Variants in SFI1 observed in about 807,000 individuals in gnomAD.
SFI1 encodes SFI1 centrin binding protein.
In SFI1, 195 loss-of-function variants were observed where a neutral mutation model predicts 207.5. That is an observed-to-expected ratio of 0.94 (90% CI 0.84 to 1.06). The LOEUF (loss-of-function observed/expected upper bound fraction) is 1.06. SFI1 is among the 50% of genes least tolerant of loss of function. The pLI is 0.00. For synonymous variants in SFI1, 630 were observed against 598.9 expected (o/e 1.05, Z -0.76); for missense variants, 1,634 against 1,588.0 (o/e 1.03, Z -0.49).
chr22:31,501,175 C>CTT (rs773631022), intron 1 of SFI1, among the ~76,000 whole-genome samples: 11 of 139,072 alleles, frequency 7.9e-5, no homozygotes, highest in South Asian at 2.3e-4. Context: ...GTAGACATAA[C>CTT]TTTTTTTTTT....
chr22:31,617,830 C>T (rs7288051), intron 31 of SFI1, among the ~76,000 whole-genome samples: 6,724 of 152,170 alleles, frequency 0.044, 130 homozygotes, highest in Non-Finnish European at 0.05. Context: ...AACAGACTGG[C>T]GCCTCATCCT....
chr22:31,535,396 A>T (rs1303598985), intron 4 of SFI1, among the ~76,000 whole-genome samples: 2 of 150,494 alleles, frequency 1.3e-5, no homozygotes, highest in African/African-American at 2.4e-5. Context: ...CACCATGTTG[A>T]TCAGGCTGGT....
intron 7 of SFI1, among the ~76,000 whole-genome samples, chr22:31,557,855 C>T (rs1018281561): frequency 6.6e-6 from 1 of 152,178 alleles, no homozygotes; most frequent in Non-Finnish European, 1.5e-5. Context: ...ACTGGAAGAA[C>T]ATGAATTAGT....
intron 12 of SFI1, among the ~76,000 whole-genome samples, chr22:31,582,211 T>TA (rs2064312502): frequency 4.0e-5 from 1 of 24,826 alleles, no homozygotes; most frequent in Non-Finnish European, 9.0e-5. Context: ...ACATTTTATA[T>TA]ATATATATAT....
At chr22:31,512,929 G>T (rs747951334) in intron 2 of SFI1, among the ~76,000 whole-genome samples, 1 of 151,748 alleles carries the variant, frequency 6.6e-6, no homozygotes, top group Non-Finnish European at 1.5e-5. Flanking sequence ...CTTGTGATCC[G>T]CCTGCCTTGG....
chr22:31,508,070 C>T (rs776187860), intron 1 of SFI1, among the ~76,000 whole-genome samples, 185 bp from the exon 2 acceptor site: 4 of 151,370 alleles, frequency 2.6e-5, no homozygotes, highest in Middle Eastern at 3.2e-3. Flanking sequence ...AGCAAGACTT[C>T]GTCTCAAAAA....
At chr22:31,604,190 AT>A in intron 18 of SFI1, 118 bp from the exon 19 acceptor site, 1 of 756,424 alleles carries the variant, frequency 1.3e-6, no homozygotes, top group South Asian at 1.6e-5. Context: ...GTATTTATAG[AT>A]GAGGCCAGAG....
chr22:31,601,760 T>C (rs1279060776), intron 15 of SFI1, among the ~76,000 whole-genome samples: 2 of 152,162 alleles, frequency 1.3e-5, no homozygotes, highest in Non-Finnish European at 2.9e-5. Context: ...CCTTTCTCTT[T>C]GTGTTGCTTT....
intron 1 of SFI1, among the ~76,000 whole-genome samples, chr22:31,499,984 T>TA (rs77752661): frequency 0.47 from 54,982 of 117,532 alleles, 13,069 homozygotes; most frequent in Middle Eastern, 0.57. Context: ...GACTCCATCT[T>TA]AAAAAAAAAA....
chr22:31,500,061 T>G (rs1268944632), intron 1 of SFI1, among the ~76,000 whole-genome samples: 2 of 145,550 alleles, frequency 1.4e-5, no homozygotes, highest in Non-Finnish European at 3.0e-5. Flanking sequence ...GGCTCATGCC[T>G]GTAATCCTAG....
chr22:31,607,325 G>A (rs553613230), intron 21 of SFI1, among the ~76,000 whole-genome samples: 3 of 152,192 alleles, frequency 2.0e-5, no homozygotes, highest in South Asian at 2.1e-4. Context: ...AATAGAGGCC[G>A]GGCGCAGTGG....
rs752700012 is a variant in SFI1, at chr22:31,611,197, A to C, written c.2309A>C (p.Gln770Pro). The change falls in exon 23 of 33, where the codon CAG becomes CCG. Residue 770 changes from glutamine to proline, a missense_variant. By Grantham distance (76) the Gln-to-Pro change is moderately conservative (BLOSUM62 -1). Transcript: ENST00000400288. ...TGGGACTGCAGCCGGAGGTCAGCCCAGCAGAGACTGCAGCTGGAGAGGGCA... is the reference window on the plus strand; with the variant it reads ...TGGGACTGCAGCCGGAGGTCAGCCCCGCAGAGACTGCAGCTGGAGAGGGCA... Reference protein sequence around the residue: ...RWWDCSRRSAQQRLQLERAVQ... With the variant: ...RWWDCSRRSAPQRLQLERAVQ... 1.9e-6 allele frequency: 3 copies of C among 1,614,122 alleles called. No individual in the cohort carries two copies. The Admixed American group carries it at 5.0e-5, about 27-fold the overall frequency.
intron 5 of SFI1, among the ~76,000 whole-genome samples, chr22:31,547,413 C>T (rs1050877793): frequency 2.0e-5 from 3 of 152,090 alleles, no homozygotes; most frequent in African/African-American, 4.8e-5. Context: ...TAGGTTCAAG[C>T]GATTCTACTG....
At chr22:31,541,304 G>T (rs371038797) in intron 4 of SFI1, among the ~76,000 whole-genome samples, 2 of 152,080 alleles carry the variant, frequency 1.3e-5, no homozygotes, top group East Asian at 3.9e-4. Context: ...ATTTGTTGAC[G>T]GCTCTTGTCT....
rs1569227870 is a variant in SFI1, at chr22:31,530,203, A to AAAAAAAAAAAAT, written c.267-855_267-854insAAAAAAAAAAAT. 3.9e-5 allele frequency among the ~76,000 whole-genome samples: 5 copies of AAAAAAAAAAAAT among 127,810 alleles called. 1 individual carries two copies. The highest frequency in any genetic ancestry group is 2.7e-4 in the Admixed American group (3 of 11,230). 83.8% of individuals were successfully genotyped at this position (127,810 alleles called of 152,430 possible). A position where few individuals can be genotyped will look rare whatever the true frequency, so the allele number is the denominator to read the frequency against. ...AAAAAAAAAAAAAAAAAAAAAAAAA[A>AAAAAAAAAAAAT]GACAAGGCCGGGCGCGGTGGCTCAC... On this transcript the variant is annotated intron_variant, in intron 3 of 32. Transcript: ENST00000400288.
intron 25 of SFI1, 29 bp from the exon 26 acceptor site, chr22:31,613,325 C>A (rs779738067): frequency 6.2e-7 from 1 of 1,602,794 alleles, no homozygotes; most frequent in Admixed American, 1.7e-5. Context: ...GCAGGGAGAC[C>A]TGGGCCTCAC....
At chr22:31,575,135 T>C in intron 9 of SFI1, 96 bp from the exon 10 acceptor site, 1 of 879,006 alleles carries the variant, frequency 1.1e-6, no homozygotes, top group Non-Finnish European at 1.7e-6. Context: ...CTTGAACCCC[T>C]GCTCTCTGCC....
intron 4 of SFI1, among the ~76,000 whole-genome samples, chr22:31,538,814 A>G (rs2059226408): frequency 6.6e-6 from 1 of 151,990 alleles, no homozygotes; most frequent in Non-Finnish European, 1.5e-5. Flanking sequence ...GAATATCCCA[A>G]CACCTAGTCT....
intron 1 of SFI1, among the ~76,000 whole-genome samples, chr22:31,501,949 G>T (rs927126728): frequency 6.6e-6 from 1 of 152,104 alleles, no homozygotes; most frequent in Non-Finnish European, 1.5e-5. Context: ...TGATCCTAGT[G>T]TCAGTGAGTG....
Sources: allele counts gnomAD v4.1 joint callset (sites outside exome capture counted in the v4.1 genomes callset), GRCh38; gene constraint gnomAD v4.1.1; transcripts MANE v1.5; gene names NCBI Gene and HGNC (gene_info 2026-07-23, HGNC 2026-07-21).